CAMKMT: variants seen among roughly 807,000 people sequenced by gnomAD.
CAMKMT encodes the protein CaM KMT.
CAMKMT carries 53 observed loss-of-function variants against 48.0 expected under a neutral mutation model. That is an observed-to-expected ratio of 1.10 (90% CI 0.89 to 1.39). CAMKMT has a LOEUF of 1.39. CAMKMT is among the 40% of genes most tolerant of loss of function. CAMKMT has a pLI of 0.00. For synonymous variants in CAMKMT, 165 were observed against 152.3 expected, an observed-to-expected ratio of 1.08 and a Z score of -0.61; for missense variants, 428 against 402.7, an observed-to-expected ratio of 1.06 and a Z score of -0.54.
chr2:44,617,449 G>A (rs1671955667), intron 3 of CAMKMT, among the ~76,000 whole-genome samples: 1 of 152,190 alleles, frequency 6.6e-6, no homozygotes, highest in Non-Finnish European at 1.5e-5. Context: ...TTAAAAAAGA[G>A]TTATCCAGTA....
chr2:44,536,852 T>C (rs553453381), intron 3 of CAMKMT, among the ~76,000 whole-genome samples: 1 of 152,118 alleles, frequency 6.6e-6, no homozygotes, highest in Non-Finnish European at 1.5e-5. Flanking sequence ...AACCCAGAAG[T>C]AAATGCACAT....
rs80321331 is a variant in CAMKMT, at chr2:44,738,739, G to C, written c.624-4883G>C. 9.3e-3 allele frequency among the ~76,000 whole-genome samples: 1,418 copies of C among 152,272 alleles called. 9 individuals carry two copies. The highest frequency in any genetic ancestry group is 0.024 in the South Asian group (118 of 4,818). ...ATTTAGTTATATTGCACATTAAAGG[G>C]TAATAGCTGCTACAGAAAAATAAAG... On this transcript the variant is annotated intron_variant, in intron 7 of 10. Coordinates refer to ENST00000378494, the MANE Select transcript of CAMKMT (RefSeq NM_024766.5).
At chr2:44,450,805 C>T (rs1249804773) in intron 3 of CAMKMT, among the ~76,000 whole-genome samples, 1 of 151,978 alleles carries the variant, frequency 6.6e-6, no homozygotes, top group Non-Finnish European at 1.5e-5. Context: ...TGTCATAGCT[C>T]TAGTAATGCT....
At chr2:44,691,379 C>T (rs1479070506) in intron 3 of CAMKMT, among the ~76,000 whole-genome samples, 1 of 152,234 alleles carries the variant, frequency 6.6e-6, no homozygotes, top group Non-Finnish European at 1.5e-5. Context: ...CCCCTCCCTG[C>T]TTCAGTGTCA....
At chr2:44,599,287 C>A (rs922348228) in intron 3 of CAMKMT, among the ~76,000 whole-genome samples, 1 of 152,026 alleles carries the variant, frequency 6.6e-6, no homozygotes, top group Non-Finnish European at 1.5e-5. Context: ...TAATACCTGG[C>A]AGCTTTCAAA....
At chr2:44,610,606 A>G (rs1671543374) in intron 3 of CAMKMT, among the ~76,000 whole-genome samples, 1 of 152,354 alleles carries the variant, frequency 6.6e-6, no homozygotes, top group East Asian at 1.9e-4. Context: ...CATTTGCAAC[A>G]TATTTGCCAA....
At chr2:44,586,897 A>G (rs568074329) in intron 3 of CAMKMT, among the ~76,000 whole-genome samples, 1 of 152,352 alleles carries the variant, frequency 6.6e-6, no homozygotes, top group South Asian at 2.1e-4. Flanking sequence ...ACTGTTTTCC[A>G]GAGGGGTGGT....
At chr2:44,381,841 G>A (rs116703380) in intron 2 of CAMKMT, among the ~76,000 whole-genome samples, 2 of 152,114 alleles carry the variant, frequency 1.3e-5, no homozygotes, top group South Asian at 2.1e-4. Context: ...AGGATTATGA[G>A]CAGTTTTTTC....
chr2:44,620,324 T>G (rs1672109327), intron 3 of CAMKMT, among the ~76,000 whole-genome samples: 1 of 152,158 alleles, frequency 6.6e-6, no homozygotes, highest in African/African-American at 2.4e-5. Context: ...CTGTTGGACA[T>G]TTCAACCACA....
At chr2:44,638,726 T>C (rs1207788224) in intron 3 of CAMKMT, among the ~76,000 whole-genome samples, 1 of 152,222 alleles carries the variant, frequency 6.6e-6, no homozygotes, top group Non-Finnish European at 1.5e-5. Flanking sequence ...AGGAATATTG[T>C]TGGGTCCAGA....
chr2:44,687,863 C>G (rs916275957), intron 3 of CAMKMT, among the ~76,000 whole-genome samples: 1 of 152,178 alleles, frequency 6.6e-6, no homozygotes, highest in Non-Finnish European at 1.5e-5. Context: ...TTTTATTAAC[C>G]GAGTGTTCAT....
In CAMKMT at chr2:44,629,433, CTTTTTTTTTTT is replaced by C. The variant is rs897761983; in HGVS notation, c.377-74840_377-74830del. Among the ~76,000 whole-genome samples, 57 of 125,322 alleles carry C rather than the reference CTTTTTTTTTTT, an allele frequency of 4.5e-4. No homozygotes were observed. In the South Asian group the frequency reaches 6.5e-3, roughly 14 times the overall value. 82.2% of individuals were successfully genotyped at this position (125,322 alleles called of 152,430 possible). The stretch of plus-strand genomic sequence containing the variant: ...TGTGTATGCATTTCTTTCTTTCTTT[CTTTTTTTTTTT>C]TTTTTTTTTGAGACAGGGTCTCACT... On this transcript the variant is annotated intron_variant, in intron 3 of 10. Coordinates refer to ENST00000378494, the MANE Select transcript of CAMKMT (RefSeq NM_024766.5).
At chr2:44,541,989 A>G (rs1667133501) in intron 3 of CAMKMT, among the ~76,000 whole-genome samples, 1 of 151,830 alleles carries the variant, frequency 6.6e-6, no homozygotes. Flanking sequence ...TAAACCGGGC[A>G]TGGTGGCACG....
chr2:44,540,784 C>G (rs61163309), intron 3 of CAMKMT, among the ~76,000 whole-genome samples: 1,684 of 152,286 alleles, frequency 0.011, 21 homozygotes, highest in African/African-American at 0.035. Context: ...TCTAGATATA[C>G]TCATTGTTAC....
At chr2:44,412,165 C>A (rs1683249374) in intron 3 of CAMKMT, among the ~76,000 whole-genome samples, 1 of 151,896 alleles carries the variant, frequency 6.6e-6, no homozygotes, top group South Asian at 2.1e-4. Flanking sequence ...GTATTGACTC[C>A]AATAGCTAGT....
At chr2:44,692,104 C>G (rs962505300) in intron 3 of CAMKMT, among the ~76,000 whole-genome samples, 5 of 152,100 alleles carry the variant, frequency 3.3e-5, no homozygotes, top group African/African-American at 9.7e-5. Flanking sequence ...GCACATTTAT[C>G]CAAAGTTCAG....
At chr2:44,624,119 G>A (rs1483900672) in intron 3 of CAMKMT, among the ~76,000 whole-genome samples, 2 of 152,126 alleles carry the variant, frequency 1.3e-5, no homozygotes, top group African/African-American at 4.8e-5. Context: ...AACACCATCA[G>A]CAGAGTAAGC....
In CAMKMT at chr2:44,558,663, A is replaced by G. The variant is rs190036429; in HGVS notation, c.377-145620A>G. Among the ~76,000 whole-genome samples, 5 of 152,278 alleles carry G rather than the reference A, an allele frequency of 3.3e-5. No homozygotes were observed. The East Asian group carries it at 7.7e-4, about 23-fold the overall frequency. ...GGATGCAGTGGGAGGCCATTATCCTAAGCAAATTAATGCCAGAACAGAAAA... is the reference window on the plus strand; with the variant it reads ...GGATGCAGTGGGAGGCCATTATCCTGAGCAAATTAATGCCAGAACAGAAAA... On this transcript the variant is annotated intron_variant, in intron 3 of 10. Transcript: ENST00000378494.
intron 3 of CAMKMT, among the ~76,000 whole-genome samples, chr2:44,610,021 C>G (rs1051539335): frequency 6.6e-6 from 1 of 152,084 alleles, no homozygotes; most frequent in African/African-American, 2.4e-5. Context: ...CATTGACTGT[C>G]AAGAAAATAA....
Sources: allele counts gnomAD v4.1 joint callset (sites outside exome capture counted in the v4.1 genomes callset), GRCh38; gene constraint gnomAD v4.1.1; transcripts MANE v1.5; gene names NCBI Gene and HGNC (gene_info 2026-07-23, HGNC 2026-07-21).